The following GNG7 variants were observed in gnomAD, a reference collection of about 807,000 sequenced individuals.
The protein encoded by GNG7 is guanine nucleotide-binding protein G(I)/G(S)/G(O) subunit gamma-7.
A neutral mutation model predicts 4.0 loss-of-function variants in GNG7; 1 was observed. That is an observed-to-expected ratio of 0.25 (90% CI 0.09 to 1.18). The LOEUF (loss-of-function observed/expected upper bound fraction) is 1.18. GNG7 is among the 50% of genes most tolerant of loss of function. GNG7 has a pLI of 0.50. For missense variants in GNG7, 86 were observed against 91.9 expected (o/e 0.94, Z 0.26); for synonymous variants, 34 against 36.9 (o/e 0.92, Z 0.29).
intron 2 of GNG7, among the ~76,000 whole-genome samples, chr19:2,598,155 T>C (rs924265469): frequency 1.3e-5 from 2 of 152,140 alleles, no homozygotes; most frequent in African/African-American, 4.8e-5. Flanking sequence ...GACTCTACGC[T>C]GCATGCTTGT....
rs117619916 is a variant in GNG7 at position 2,698,585 on chromosome 19, G to C, written c.-135+4061C>G. 9.0e-3 allele frequency among the ~76,000 whole-genome samples: 1,364 copies of C among 151,656 alleles called. 40 individuals are homozygous for C. The East Asian group carries it at 0.096, about 11-fold the overall frequency. ...TTTCAAAAAAGAAAAAAAAAAGAAAGAAAAGAAAAAAAGAAAGCACCAGCT... is the reference window on the plus strand; with the variant it reads ...TTTCAAAAAAGAAAAAAAAAAGAAACAAAAGAAAAAAAGAAAGCACCAGCT... On this transcript the variant is annotated intron_variant, in intron 1 of 4. Coordinates refer to ENST00000382159, the MANE Select transcript of GNG7 (RefSeq NM_052847.3).
chr19:2,608,893 A>G (rs542279242), intron 2 of GNG7, among the ~76,000 whole-genome samples: 7 of 152,350 alleles, frequency 4.6e-5, no homozygotes, highest in African/African-American at 1.7e-4. Context: ...CGCTTTTTAA[A>G]GAAACTGAGG....
chr19:2,596,428 A>G (rs925963352), intron 2 of GNG7, among the ~76,000 whole-genome samples: 2 of 152,068 alleles, frequency 1.3e-5, no homozygotes, highest in Non-Finnish European at 2.9e-5. Context: ...GCACTTTGAA[A>G]GGCTGAGGCA....
At chr19:2,645,224 C>CTT in intron 2 of GNG7, among the ~76,000 whole-genome samples, 1 of 143,690 alleles carries the variant, frequency 7.0e-6, no homozygotes, top group Non-Finnish European at 1.5e-5. Flanking sequence ...TTCTTTCTTT[C>CTT]TTTTCTCTCT....
At chr19:2,523,287 C>G (rs1599371530) in intron 3 of GNG7, among the ~76,000 whole-genome samples, 1 of 151,772 alleles carries the variant, frequency 6.6e-6, no homozygotes, top group Non-Finnish European at 1.5e-5. Context: ...CATGGTGGCT[C>G]TTGCCTGTAA....
chr19:2,532,478 C>T (rs1202929866), intron 3 of GNG7, among the ~76,000 whole-genome samples: 1 of 152,088 alleles, frequency 6.6e-6, no homozygotes, highest in Middle Eastern at 3.2e-3. Flanking sequence ...GAGCAAAAGA[C>T]ATAGAAGATG....
chr19:2,646,588 G>A (rs1458796500), intron 1 of GNG7, among the ~76,000 whole-genome samples: 1 of 152,102 alleles, frequency 6.6e-6, no homozygotes, highest in Non-Finnish European at 1.5e-5. Flanking sequence ...AGGAGGCTGA[G>A]GCAGGAGAAT....
intron 2 of GNG7, among the ~76,000 whole-genome samples, chr19:2,637,893 C>A (rs962659676): frequency 1.3e-5 from 2 of 151,454 alleles, no homozygotes; most frequent in Non-Finnish European, 3.0e-5. Context: ...CTCCGCGTCC[C>A]ATGATCCTCT....
intron 2 of GNG7, among the ~76,000 whole-genome samples, chr19:2,560,164 G>A (rs942171503): frequency 5.3e-5 from 8 of 152,074 alleles, no homozygotes; most frequent in African/African-American, 1.9e-4. Flanking sequence ...AGTACCCCAG[G>A]CATTGATTTG....
intron 1 of GNG7, among the ~76,000 whole-genome samples, chr19:2,682,215 T>C (rs1399707806): frequency 6.6e-6 from 1 of 151,972 alleles, no homozygotes; most frequent in Non-Finnish European, 1.5e-5. Context: ...GGCCTGAAGC[T>C]GATAGTTTTT....
At chr19:2,580,535 C>A (rs11879190) in intron 2 of GNG7, among the ~76,000 whole-genome samples, 7,017 of 152,038 alleles carry the variant, frequency 0.046, 515 homozygotes, top group African/African-American at 0.16. Flanking sequence ...AGGGGATCCA[C>A]CTGCCTTGAC....
intron 2 of GNG7, among the ~76,000 whole-genome samples, chr19:2,599,042 G>T (rs1027026091): frequency 1.3e-5 from 2 of 152,204 alleles, no homozygotes; most frequent in African/African-American, 4.8e-5. Flanking sequence ...GCGGGCACGA[G>T]GCGAAGCGGG....
chr19:2,541,015 T>C (rs917159152), intron 3 of GNG7, among the ~76,000 whole-genome samples: 1 of 152,176 alleles, frequency 6.6e-6, no homozygotes, highest in African/African-American at 2.4e-5. Context: ...CGGGGCGGCC[T>C]GCGTAAAAGG....
intron 1 of GNG7, among the ~76,000 whole-genome samples, chr19:2,681,258 A>G (rs970978708): frequency 7.2e-5 from 11 of 151,886 alleles, no homozygotes; most frequent in Admixed American, 4.6e-4. Context: ...ATCTCGGCTC[A>G]CTGCAACCTC....
chr19:2,540,506 G>A (rs1264860520), intron 3 of GNG7, among the ~76,000 whole-genome samples: 1 of 152,200 alleles, frequency 6.6e-6, no homozygotes, highest in Non-Finnish European at 1.5e-5. Flanking sequence ...TGCCCAGCCT[G>A]TGCAGAGGGT....
chr19:2,577,956 GC>G (rs1980392683), intron 2 of GNG7, among the ~76,000 whole-genome samples: 1 of 150,912 alleles, frequency 6.6e-6, no homozygotes, highest in Non-Finnish European at 1.5e-5. Flanking sequence ...TCCCACCTCA[GC>G]CCCTCGAGTA....
chr19:2,646,465 A>T (rs548397530), intron 1 of GNG7, among the ~76,000 whole-genome samples, 185 bp from the exon 2 acceptor site: 22 of 152,320 alleles, frequency 1.4e-4, no homozygotes, highest in African/African-American at 5.3e-4. Flanking sequence ...AGGCAGGTGG[A>T]TCATGAGGTC....
In GNG7 at chr19:2,562,370, G is replaced by A. The variant is rs555452145; in HGVS notation, c.-77-7182C>T. Among the ~76,000 whole-genome samples, 73 of 151,130 alleles carry A rather than the reference G, an allele frequency of 4.8e-4. 2 individuals are homozygous for A. Among genetic ancestry groups the A allele is most frequent in the African/African-American group, 1.7e-3 (71 of 41,124 alleles). On this transcript the variant is annotated intron_variant, in intron 2 of 4. Transcript: ENST00000382159. Reference sequence around the variant, plus strand: ...GCGATCTCGGCTCACTGCAACCTCCGCCTCCCAGGTTCAAGTGATTCTCCT... The same window carrying A: ...GCGATCTCGGCTCACTGCAACCTCCACCTCCCAGGTTCAAGTGATTCTCCT...
chr19:2,526,105 AGACTACAGGCGCCC>A, intron 3 of GNG7, among the ~76,000 whole-genome samples: 1 of 151,710 alleles, frequency 6.6e-6, no homozygotes, highest in South Asian at 2.1e-4. Context: ...CAAGTAGCTG[AGACTACAGGCGCCC>A]GCCACCACGC....
Sources: allele counts gnomAD v4.1 joint callset (sites outside exome capture counted in the v4.1 genomes callset), GRCh38; gene constraint gnomAD v4.1.1; transcripts MANE v1.5; gene names NCBI Gene and HGNC (gene_info 2026-07-23, HGNC 2026-07-21).